Variants in LRRC4C observed in about 807,000 individuals in gnomAD.
LRRC4C encodes leucine-rich repeat-containing protein 4C.
In LRRC4C, 5 loss-of-function variants were observed where a neutral mutation model predicts 33.6. That is an observed-to-expected ratio of 0.15 (90% CI 0.08 to 0.31). The LOEUF (loss-of-function observed/expected upper bound fraction) is 0.31. Ranked by LOEUF, LRRC4C falls within the 10% of genes least tolerant of loss-of-function variation. The pLI is 1.00. For missense variants in LRRC4C, 560 were observed against 796.7 expected, an observed-to-expected ratio of 0.70 and a Z score of 3.58; for synonymous variants, 329 against 302.0, an observed-to-expected ratio of 1.09 and a Z score of -0.93.
At chr11:40,854,751 T>G (rs1028942524) in intron 2 of LRRC4C, among the ~76,000 whole-genome samples, 1 of 150,996 alleles carries the variant, frequency 6.6e-6, no homozygotes, top group African/African-American at 2.4e-5. Context: ...TAGAGTACAT[T>G]AATGTATATA....
chr11:40,557,048 C>T (rs1957359204), intron 3 of LRRC4C, among the ~76,000 whole-genome samples: 1 of 151,958 alleles, frequency 6.6e-6, no homozygotes, highest in African/African-American at 2.4e-5. Context: ...AAGTCAGGAC[C>T]ATGTGCTCTG....
chr11:40,231,389 T>G (rs1425455752), intron 5 of LRRC4C, among the ~76,000 whole-genome samples: 1 of 152,204 alleles, frequency 6.6e-6, no homozygotes, highest in Non-Finnish European at 1.5e-5. Flanking sequence ...AATCAATAGC[T>G]AATATAGTGT....
At chr11:41,415,043 A>G (rs1225358546) in intron 1 of LRRC4C, among the ~76,000 whole-genome samples, 1 of 152,132 alleles carries the variant, frequency 6.6e-6, no homozygotes, top group Non-Finnish European at 1.5e-5. Context: ...TTTAGACACA[A>G]TCTTCTTTCC....
At chr11:40,170,098 G>T (rs1859921075) in intron 5 of LRRC4C, among the ~76,000 whole-genome samples, 1 of 152,168 alleles carries the variant, frequency 6.6e-6, no homozygotes, top group Admixed American at 6.5e-5. Flanking sequence ...TTTTAACTGT[G>T]GGTGATAATA....
At chr11:40,343,877 T>C (rs1018663338) in intron 3 of LRRC4C, among the ~76,000 whole-genome samples, 1 of 151,926 alleles carries the variant, frequency 6.6e-6, no homozygotes, top group Non-Finnish European at 1.5e-5. Context: ...AACACCTCCA[T>C]GCACACAAGC....
At chr11:40,371,351 A>G (rs1948440440) in intron 3 of LRRC4C, among the ~76,000 whole-genome samples, 2 of 152,322 alleles carry the variant, frequency 1.3e-5, no homozygotes, top group Admixed American at 1.3e-4. Flanking sequence ...AGGTTTGGAC[A>G]CTACAATTTG....
At chr11:41,188,351 C>T (rs770505175) in intron 1 of LRRC4C, among the ~76,000 whole-genome samples, 18 of 152,026 alleles carry the variant, frequency 1.2e-4, no homozygotes, top group Admixed American at 7.9e-4. Context: ...AATAATTACT[C>T]TTCAATAATA....
intron 1 of LRRC4C, among the ~76,000 whole-genome samples, chr11:40,966,022 G>T (rs188032859): frequency 6.6e-6 from 1 of 152,000 alleles, no homozygotes; most frequent in African/African-American, 2.4e-5. Context: ...TCTTCCATTT[G>T]TTTGTATCCT....
chr11:41,133,480 C>T (rs1248819970), intron 1 of LRRC4C, among the ~76,000 whole-genome samples: 1 of 143,944 alleles, frequency 6.9e-6, no homozygotes, highest in Non-Finnish European at 1.5e-5. Context: ...TCCTAATCCC[C>T]CCCCCGCCCC....
intron 1 of LRRC4C, among the ~76,000 whole-genome samples, chr11:41,293,162 G>A (rs918371953): frequency 6.6e-6 from 1 of 152,066 alleles, no homozygotes; most frequent in African/African-American, 2.4e-5. Flanking sequence ...TATATGATGT[G>A]ATCCAAATGT....
intron 2 of LRRC4C, among the ~76,000 whole-genome samples, chr11:40,796,031 C>T (rs947003692): frequency 4.6e-5 from 7 of 152,122 alleles, no homozygotes; most frequent in Non-Finnish European, 1.0e-4. Flanking sequence ...AATGAAAATG[C>T]TTAGGTACCT....
At chr11:40,679,758 CAA>C (rs1207335837) in intron 2 of LRRC4C, among the ~76,000 whole-genome samples, 2 of 152,150 alleles carry the variant, frequency 1.3e-5, no homozygotes, top group African/African-American at 4.8e-5. Context: ...GATGCCCAGG[CAA>C]AAGTTTGCTG....
Position 41,063,743 on chromosome 11 carries a change from G to A in LRRC4C, c.-495-130020C>T, listed in dbSNP as rs536788982. Reference sequence around the variant, plus strand: ...CAAGAAAGCAGCTTTATAAGCCAAGGTAAGGAGCTTTTACAAAAAATGTTA... The same window carrying A: ...CAAGAAAGCAGCTTTATAAGCCAAGATAAGGAGCTTTTACAAAAAATGTTA... On this transcript the variant is annotated intron_variant, in intron 1 of 6. Coordinates refer to ENST00000528697, the MANE Select transcript of LRRC4C (RefSeq NM_001258419.2). Among the ~76,000 whole-genome samples, 38 of 152,310 alleles carry A rather than the reference G, an allele frequency of 2.5e-4. 1 individual carries two copies. The South Asian group carries it at 7.2e-3, about 29-fold the overall frequency.
At chr11:41,207,538 T>C (rs370515931) in intron 1 of LRRC4C, among the ~76,000 whole-genome samples, 1 of 152,138 alleles carries the variant, frequency 6.6e-6, no homozygotes, top group African/African-American at 2.4e-5. Context: ...CTAGTGTCTT[T>C]ATAAGAAGAG....
At chr11:40,599,652 C>A (rs1959770721) in intron 3 of LRRC4C, among the ~76,000 whole-genome samples, 2 of 152,138 alleles carry the variant, frequency 1.3e-5, no homozygotes, top group African/African-American at 4.8e-5. Context: ...CTCTTTTTCA[C>A]AGGGCTATAC....
intron 1 of LRRC4C, among the ~76,000 whole-genome samples, chr11:41,263,639 AT>A (rs1172555744): frequency 6.6e-6 from 1 of 152,038 alleles, no homozygotes. Flanking sequence ...AGTATTTAAT[AT>A]TTTTTCAGTT....
In LRRC4C at chr11:40,825,509, C is replaced by A. The variant is rs74321412; in HGVS notation, c.-407+108126G>T. Among the ~76,000 whole-genome samples the A allele has an allele frequency of 1.4e-3, 217 of 151,996 alleles. 2 individuals are homozygous for A. The highest frequency in any genetic ancestry group is 5.1e-3 in the African/African-American group (211 of 41,490). On this transcript the variant is annotated intron_variant, in intron 2 of 6. Transcript: ENST00000528697. Reference sequence around the variant, plus strand: ...GAACAGAAGAACTTGGCATTCCCAGCAAGGACTCAATCATACACTGGCTAT... The same window carrying A: ...GAACAGAAGAACTTGGCATTCCCAGAAAGGACTCAATCATACACTGGCTAT...
Position 41,206,978 on chromosome 11 carries a change from A to T in LRRC4C, c.-496+252453T>A, listed in dbSNP as rs7943130. ...ATATGATGCTATACACTATATATAT[A>T]TTTTTCTGCTATAGTATATAGTATA... On this transcript the variant is annotated intron_variant, in intron 1 of 6. Coordinates refer to ENST00000528697, the MANE Select transcript of LRRC4C (RefSeq NM_001258419.2). 7.3e-3 allele frequency among the ~76,000 whole-genome samples: 1,108 copies of T among 152,170 alleles called. 14 individuals are homozygous for T. The highest frequency in any genetic ancestry group is 0.025 in the African/African-American group (1,025 of 41,522).
chr11:41,351,077 T>A (rs1389195245), intron 1 of LRRC4C, among the ~76,000 whole-genome samples: 1 of 152,028 alleles, frequency 6.6e-6, no homozygotes, highest in African/African-American at 2.4e-5. Flanking sequence ...TAAAAATTTT[T>A]TAAAAATTAG....
Sources: allele counts gnomAD v4.1 joint callset (sites outside exome capture counted in the v4.1 genomes callset), GRCh38; gene constraint gnomAD v4.1.1; transcripts MANE v1.5; gene names NCBI Gene and HGNC (gene_info 2026-07-23, HGNC 2026-07-21).